The following FCRL2 variants were observed in gnomAD, a reference collection of about 807,000 sequenced individuals.
FCRL2 encodes Fc receptor like 2.
FCRL2 carries 48 observed loss-of-function variants against 59.8 expected under a neutral mutation model. That is an observed-to-expected ratio of 0.80 (90% confidence interval 0.64 to 1.02). The LOEUF (loss-of-function observed/expected upper bound fraction) is 1.02. Among genes scored for constraint, FCRL2 ranks in the 50% least tolerant of loss-of-function variants. The pLI is 0.00. For synonymous variants in FCRL2, 251 were observed against 229.5 expected (o/e 1.09, Z -0.85); for missense variants, 658 against 597.3 (o/e 1.10, Z -1.06).
intron 7 of FCRL2, among the ~76,000 whole-genome samples, chr1:157,761,651 G>A (rs1649111683): frequency 6.6e-6 from 1 of 152,082 alleles, no homozygotes; most frequent in Admixed American, 6.6e-5. Context: ...GATAATTACA[G>A]ATAATATATG....
chr1:157,769,638 A>G, intron 4 of FCRL2: 1 of 434,256 alleles, frequency 2.3e-6, no homozygotes. Flanking sequence ...CGTGTTAGCC[A>G]GGATGGTCTC....
At chr1:157,763,429 G>A (rs1475875407) in intron 7 of FCRL2, among the ~76,000 whole-genome samples, 2 of 152,104 alleles carry the variant, frequency 1.3e-5, no homozygotes, top group Non-Finnish European at 2.9e-5. Flanking sequence ...GGAGGCTGAG[G>A]CAAGAGAATC....
chr1:157,768,853 C>T, intron 4 of FCRL2, 152 bp from the exon 5 acceptor site: 1 of 758,760 alleles, frequency 1.3e-6, no homozygotes, highest in East Asian at 2.7e-5. Context: ...GAATCTATAA[C>T]AATTATCCTT....
chr1:157,773,655 C>A (rs1233164116), intron 2 of FCRL2, among the ~76,000 whole-genome samples: 2 of 152,184 alleles, frequency 1.3e-5, no homozygotes, highest in Non-Finnish European at 1.5e-5. Context: ...CAATGCCAAC[C>A]ACCTGGCAGT....
chr1:157,774,472 A>T, intron 2 of FCRL2: 2 of 456,394 alleles, frequency 4.4e-6, no homozygotes, highest in Non-Finnish European at 8.8e-6. Context: ...AAAAGAAAAG[A>T]TCTCAAACTT....
chr1:157,769,891 G>C lies in FCRL2; in HGVS notation c.570C>G (p.Ser190Arg). ...TCTGCACGTGAATCTGGGATTGGAG[G>C]CTCTGTTTTCTGATCCTGTGAGTCA... ...ETVTHRIRKQ[S>R]LQSQIHVQRI... Residue 190 changes from serine (S) to arginine (R), a missense_variant, in exon 4 of 12, where the codon AGC becomes AGG. By Grantham distance (110) the Ser-to-Arg change is moderately radical. Transcript: ENST00000361516. 6.2e-7 allele frequency: 1 copy of C among 1,614,078 alleles called. No homozygotes were observed. Among genetic ancestry groups the C allele is most frequent in the Non-Finnish European group, 8.5e-7 (1 of 1,179,958 alleles).
intron 7 of FCRL2, among the ~76,000 whole-genome samples, chr1:157,764,672 T>C (rs1466424329): frequency 6.6e-6 from 1 of 152,172 alleles, no homozygotes; most frequent in Non-Finnish European, 1.5e-5. Context: ...CAAGATAAAT[T>C]TTGAAAACCG....
At chr1:157,749,728 T>G in intron 7 of FCRL2, 51 bp from the exon 8 acceptor site, 1 of 1,504,036 alleles carries the variant, frequency 6.6e-7, no homozygotes, top group Non-Finnish European at 9.2e-7. Flanking sequence ...GCTTTATCTC[T>G]TAAAATTTTG....
intron 10 of FCRL2, among the ~76,000 whole-genome samples, chr1:157,748,228 T>C (rs1018115367): frequency 2.0e-5 from 3 of 152,034 alleles, no homozygotes; most frequent in African/African-American, 7.2e-5. Flanking sequence ...AATCCAGCCA[T>C]GGTGAAACCC....
chr1:157,749,742 T>C, intron 7 of FCRL2, 65 bp from the exon 8 acceptor site: 2 of 1,302,334 alleles, frequency 1.5e-6, no homozygotes, highest in African/African-American at 1.5e-5. Context: ...AATTTTGACA[T>C]GATTTAACTA....
rs769267564 is a variant in FCRL2 at position 157,767,345 on chromosome 1, C to T, written c.1048G>A (p.Gly350Arg). The change falls in exon 6 of 12, where the codon GGA (glycine) becomes AGA (arginine). Residue 350 changes from glycine (G) to arginine (R), a missense_variant. Coordinates refer to ENST00000361516, the MANE Select transcript of FCRL2 (RefSeq NM_030764.4). ...TLGNSSAPSGGGASFNLSLTA... is the reference protein window; with the variant it reads ...TLGNSSAPSGRGASFNLSLTA... ...AAAGAGAGGTTGAAGGAGGCCCCTC[C>T]TCCAGAGGGGGCCGAGCTGTTCCCA... 5 of 1,614,236 alleles carry T rather than the reference C, an allele frequency of 3.1e-6. No individual in the cohort carries two copies. In the South Asian group the frequency reaches 4.4e-5, roughly 14 times the overall value.
chr1:157,769,781 G>T, intron 4 of FCRL2, 85 bp downstream of exon 4: 1 of 1,484,916 alleles, frequency 6.7e-7, no homozygotes, highest in South Asian at 1.3e-5. Flanking sequence ...GACAGGAGTT[G>T]AACAAAGAAA....
chr1:157,771,926 T>A (rs1364231860), intron 2 of FCRL2, among the ~76,000 whole-genome samples: 1 of 151,858 alleles, frequency 6.6e-6, no homozygotes, highest in African/African-American at 2.4e-5. Flanking sequence ...CCACAGGAAA[T>A]CTGTGGCATT....
intron 7 of FCRL2, among the ~76,000 whole-genome samples, chr1:157,759,010 A>G (rs1241364587): frequency 4.6e-5 from 7 of 152,206 alleles, no homozygotes; most frequent in Non-Finnish European, 8.8e-5. Flanking sequence ...CCCAAATCTC[A>G]TCTTGAATTG....
chr1:157,770,617 G>A lies in FCRL2; in HGVS notation c.102C>T (p.Ile34=), dbSNP rs1219738986. 3.1e-6 allele frequency: 5 copies of A among 1,613,940 alleles called. No individual in the cohort carries two copies. In the Middle Eastern group the frequency reaches 4.9e-4, roughly 159 times the overall value. ...APSSVFEGDS[I]VLKCQGEQNW... is the part of the protein sequence containing the mutation. ...TCTGTTCTCCCTGGCATTTCAGAAC[G>A]ATGCTGTCTCCTTCGAAGACAGAAG... The change falls in exon 3 of 12, where the codon ATC becomes ATT. Residue 34 remains isoleucine (I), a synonymous_variant. Coordinates refer to ENST00000361516, the MANE Select transcript of FCRL2 (RefSeq NM_030764.4).
intron 10 of FCRL2, among the ~76,000 whole-genome samples, chr1:157,747,498 T>C (rs1647840971): frequency 6.6e-6 from 1 of 152,094 alleles, no homozygotes; most frequent in African/African-American, 2.4e-5. Context: ...AAGAGAATGA[T>C]AGGGTAATCA....
rs1650006526 is a variant in FCRL2 at position 157,771,353 on chromosome 1, G to A, written c.53-687C>T. On this transcript the variant is annotated intron_variant, in intron 2 of 11. Coordinates refer to ENST00000361516, the MANE Select transcript of FCRL2 (RefSeq NM_030764.4). ...CCTCCATGCTGTCATCCAGCCCTCA[G>A]AGCTCTATACTGTGTTATAAATTCA... 1.3e-5 allele frequency among the ~76,000 whole-genome samples: 2 copies of A among 152,092 alleles called. 1 individual carries two copies. Among genetic ancestry groups the A allele is most frequent in the South Asian group, 4.1e-4 (2 of 4,822 alleles).
intron 5 of FCRL2, chr1:157,767,870 C>T (rs1649645582): frequency 3.9e-6 from 2 of 515,918 alleles, no homozygotes; most frequent in Non-Finnish European, 6.3e-6. Context: ...AAAACTGATA[C>T]ATAGGAGCAT....
intron 1 of FCRL2, 95 bp downstream of exon 1, chr1:157,776,948 C>G: frequency 8.2e-7 from 1 of 1,220,634 alleles, no homozygotes; most frequent in Non-Finnish European, 1.2e-6. Flanking sequence ...AGCATCCCCA[C>G]CAGTCCCTGG....
Sources: allele counts gnomAD v4.1 joint callset (sites outside exome capture counted in the v4.1 genomes callset), GRCh38; gene constraint gnomAD v4.1.1; transcripts MANE v1.5; gene names NCBI Gene and HGNC (gene_info 2026-07-23, HGNC 2026-07-21).